The following LARGE1 variants were observed in gnomAD, a reference collection of about 807,000 sequenced individuals.
LARGE1 encodes xylosyl- and glucuronyltransferase LARGE1.
A neutral mutation model predicts 87.6 loss-of-function variants in LARGE1; 43 were observed. That is an observed-to-expected ratio of 0.49 (90% CI 0.38 to 0.63). The LOEUF is 0.63. Among genes scored for constraint, LARGE1 ranks in the 30% least tolerant of loss-of-function variants. LARGE1 has a pLI of 0.00. For missense variants in LARGE1, 802 were observed against 1,000.2 expected, an observed-to-expected ratio of 0.80 and a Z score of 2.67; for synonymous variants, 434 against 394.6, an observed-to-expected ratio of 1.10 and a Z score of -1.18.
At position 33,622,888 on chromosome 22, in the gene LARGE1, A is replaced by G. The variant is rs951020255; in HGVS notation, c.491+3356T>C. Among the ~76,000 whole-genome samples the G allele has an allele frequency of 3.9e-5, 6 of 152,202 alleles. No homozygotes were observed. The South Asian group carries it at 1.0e-3, about 26-fold the overall frequency. On this transcript the variant is annotated intron_variant, in intron 4 of 14. Coordinates refer to ENST00000397394, the MANE Select transcript of LARGE1 (RefSeq NM_133642.5). ...TACGACATGCCATCAGCAGCTAATA[A>G]TATTACTACCGCTATTTTTTAATTT...
intron 5 of LARGE1, among the ~76,000 whole-genome samples, chr22:33,572,650 G>A (rs913799038): frequency 2.0e-5 from 3 of 152,090 alleles, no homozygotes; most frequent in African/African-American, 4.8e-5. Flanking sequence ...CAAGGTGGGC[G>A]GATCACTTGA....
chr22:33,908,189 T>C (rs530603569), intron 1 of LARGE1, among the ~76,000 whole-genome samples: 9 of 152,278 alleles, frequency 5.9e-5, no homozygotes, highest in Admixed American at 2.6e-4. Flanking sequence ...CAACCATTTA[T>C]TGTATTGACT....
intron 2 of LARGE1, among the ~76,000 whole-genome samples, chr22:33,670,713 T>C (rs1165277471): frequency 6.6e-6 from 1 of 152,180 alleles, no homozygotes; most frequent in Non-Finnish European, 1.5e-5. Context: ...AAACAATAAC[T>C]GCATGGAAAT....
At chr22:33,590,503 GTCAC>G (rs2078804991) in intron 5 of LARGE1, among the ~76,000 whole-genome samples, 1 of 152,212 alleles carries the variant, frequency 6.6e-6, no homozygotes, top group African/African-American at 2.4e-5. Flanking sequence ...AACCACAGCA[GTCAC>G]TTTATAAAAC....
intron 6 of LARGE1, among the ~76,000 whole-genome samples, chr22:33,492,985 G>A (rs940973198): frequency 1.3e-5 from 2 of 151,876 alleles, no homozygotes; most frequent in African/African-American, 4.8e-5. Context: ...CCATTTTCAG[G>A]ACAAAAGAGA....
chr22:33,450,269 G>A (rs2067856387), intron 6 of LARGE1, among the ~76,000 whole-genome samples: 1 of 151,984 alleles, frequency 6.6e-6, no homozygotes, highest in South Asian at 2.1e-4. Context: ...AATCAGAGTT[G>A]CAAGGGCCTG....
chr22:33,512,879 C>T (rs1474210607), intron 6 of LARGE1, among the ~76,000 whole-genome samples: 2 of 152,202 alleles, frequency 1.3e-5, no homozygotes, highest in Non-Finnish European at 1.5e-5. Context: ...CCCTAATTTT[C>T]TCTTGTCTTC....
At chr22:33,612,076 T>C (rs2149014446) in intron 4 of LARGE1, among the ~76,000 whole-genome samples, 1 of 152,294 alleles carries the variant, frequency 6.6e-6, no homozygotes, top group Middle Eastern at 3.4e-3. Context: ...AAATCTCTTT[T>C]CTTTCTAAAT....
chr22:33,391,901 C>G (rs2065541926), intron 7 of LARGE1, among the ~76,000 whole-genome samples: 1 of 151,342 alleles, frequency 6.6e-6, no homozygotes, highest in South Asian at 2.1e-4. Flanking sequence ...TCCCGAGTAG[C>G]TGGGATTATA....
chr22:33,846,051 T>C (rs1601761170), intron 1 of LARGE1, among the ~76,000 whole-genome samples: 1 of 152,306 alleles, frequency 6.6e-6, no homozygotes, highest in East Asian at 1.9e-4. Flanking sequence ...GCTGTCTGAA[T>C]TTTCATGACA....
chr22:33,497,512 T>G (rs1259259378), intron 6 of LARGE1, among the ~76,000 whole-genome samples: 1 of 152,204 alleles, frequency 6.6e-6, no homozygotes, highest in Non-Finnish European at 1.5e-5. Context: ...CTATCATAAT[T>G]ATTCTGCACA....
chr22:33,087,414 A>G, the LARGE1 span, among the ~76,000 whole-genome samples: 1 of 152,152 alleles, frequency 6.6e-6, no homozygotes, highest in African/African-American at 2.4e-5. Context: ...GTAGGAAAAA[A>G]ACATTTAAAC....
At chr22:33,477,279 C>T (rs888614319) in intron 6 of LARGE1, among the ~76,000 whole-genome samples, 13 of 152,102 alleles carry the variant, frequency 8.5e-5, no homozygotes, top group African/African-American at 3.1e-4. Flanking sequence ...CCAACGGGTC[C>T]CTTCCAAGAA....
chr22:33,701,000 G>A (rs1053957812), intron 2 of LARGE1, among the ~76,000 whole-genome samples: 1 of 152,150 alleles, frequency 6.6e-6, no homozygotes, highest in Non-Finnish European at 1.5e-5. Context: ...CCTGTAAGAG[G>A]AACATGGATT....
chr22:33,613,779 A>G (rs1006237627), intron 4 of LARGE1, among the ~76,000 whole-genome samples: 4 of 152,210 alleles, frequency 2.6e-5, no homozygotes, highest in African/African-American at 9.6e-5. Context: ...CCTAGCTCCC[A>G]GAGCACCACC....
intron 6 of LARGE1, among the ~76,000 whole-genome samples, chr22:33,497,233 G>A (rs1275995225): frequency 6.6e-6 from 1 of 152,036 alleles, no homozygotes; most frequent in African/African-American, 2.4e-5. Context: ...ATGCCACTAT[G>A]CCTGGCTCAT....
intron 6 of LARGE1, among the ~76,000 whole-genome samples, chr22:33,491,409 C>T (rs971622936): frequency 3.9e-5 from 6 of 152,142 alleles, no homozygotes; most frequent in Non-Finnish European, 5.9e-5. Context: ...GAGGGTCAGA[C>T]AGAACCTCTG....
At chr22:33,368,797 C>T (rs1161364277) in intron 9 of LARGE1, among the ~76,000 whole-genome samples, 1 of 152,126 alleles carries the variant, frequency 6.6e-6, no homozygotes, top group Non-Finnish European at 1.5e-5. Flanking sequence ...TATGTTTAAA[C>T]TACACTGTAC....
the LARGE1 span, among the ~76,000 whole-genome samples, chr22:33,099,402 C>T: frequency 2.6e-5 from 4 of 151,730 alleles, no homozygotes; most frequent in African/African-American, 4.8e-5. Context: ...TACAGACATG[C>T]GCCACCAAGC....
Sources: allele counts gnomAD v4.1 joint callset (sites outside exome capture counted in the v4.1 genomes callset), GRCh38; gene constraint gnomAD v4.1.1; transcripts MANE v1.5; gene names NCBI Gene and HGNC (gene_info 2026-07-23, HGNC 2026-07-21).